Variants in CEP192 observed in about 807,000 individuals in gnomAD.
The protein encoded by CEP192 is centrosomal protein of 192 kDa.
In CEP192, 151 loss-of-function variants were observed where a neutral mutation model predicts 271.8. The observed-to-expected ratio is 0.56, with a 90% CI of 0.49 to 0.64. CEP192 has a LOEUF of 0.64. CEP192 is among the 30% of genes least tolerant of loss of function. CEP192 has a pLI of 0.00. For missense variants in CEP192, 2,910 were observed against 3,020.5 expected (o/e 0.96, Z 0.86); for synonymous variants, 995 against 1,076.5 (o/e 0.92, Z 1.48).
chr18:13,018,556 C>A lies in CEP192; in HGVS notation c.866C>A (p.Ser289Tyr). Reference protein sequence around the residue: ...NSSLISLDSHSSETTHKESEE... With the variant: ...NSSLISLDSHYSETTHKESEE... ...TCTCTGATTTCCCTCGACTCACACT[C>A]TTCTGAAACAACTCACAAAGAGTCT... is the stretch of plus-strand genomic sequence containing the variant. Residue 289 changes from serine (S) to tyrosine (Y), a missense_variant, in exon 8 of 45, where the codon TCT (serine) becomes TAT (tyrosine). Coordinates refer to ENST00000506447, the MANE Select transcript of CEP192 (RefSeq NM_032142.4). 1 of 1,542,206 alleles carries A rather than the reference C, an allele frequency of 6.5e-7. No homozygotes were observed. The highest frequency in any genetic ancestry group is 8.8e-7 in the Non-Finnish European group (1 of 1,140,294).
rs150380590 is a variant in CEP192, at chr18:13,022,593, C to T, written c.1050+3387C>T. On this transcript the variant is annotated intron_variant, in intron 9 of 44. Coordinates refer to ENST00000506447, the MANE Select transcript of CEP192 (RefSeq NM_032142.4). ...ATGAGGTTTCACCATGTTGGCCAGACTGGTCTCAAACTTCTGATTTCAAAC... is the reference window on the plus strand; with the variant it reads ...ATGAGGTTTCACCATGTTGGCCAGATTGGTCTCAAACTTCTGATTTCAAAC... Among the ~76,000 whole-genome samples the T allele has an allele frequency of 3.2e-3, 494 of 152,086 alleles. 3 individuals are homozygous for T. The highest frequency in any genetic ancestry group is 0.011 in the African/African-American group (463 of 41,514).
chr18:13,067,299 T>G (rs1204875113), intron 21 of CEP192, among the ~76,000 whole-genome samples: 1 of 152,090 alleles, frequency 6.6e-6, no homozygotes, highest in African/African-American at 2.4e-5. Flanking sequence ...TGATATCCGG[T>G]GGGGGTTCCT....
intron 30 of CEP192, among the ~76,000 whole-genome samples, chr18:13,079,151 C>T (rs908902737): frequency 6.6e-6 from 1 of 152,128 alleles, no homozygotes; most frequent in Non-Finnish European, 1.5e-5. Flanking sequence ...GGTATATACC[C>T]AGTAATGGGA....
At chr18:13,022,425 G>A (rs759495132) in intron 9 of CEP192, among the ~76,000 whole-genome samples, 9 of 151,826 alleles carry the variant, frequency 5.9e-5, no homozygotes, top group Non-Finnish European at 1.0e-4. Context: ...CTGTCACCCA[G>A]GCTGGAGTGC....
intron 40 of CEP192, among the ~76,000 whole-genome samples, chr18:13,106,480 CACT>C (rs2039954454): frequency 8.0e-6 from 1 of 124,386 alleles, no homozygotes. Flanking sequence ...CCACCACTAC[CACT>C]ACTCACCACT....
intron 36 of CEP192, among the ~76,000 whole-genome samples, chr18:13,098,004 C>A (rs1343362389): frequency 6.6e-6 from 1 of 152,156 alleles, no homozygotes; most frequent in Non-Finnish European, 1.5e-5. Flanking sequence ...AAGAATTTTT[C>A]TTAGTACAGA....
intron 26 of CEP192, 45 bp downstream of exon 26, chr18:13,069,226 C>T (rs773131963): frequency 7.4e-6 from 11 of 1,484,798 alleles, no homozygotes; most frequent in Non-Finnish European, 1.0e-5. Flanking sequence ...TTTCCTCAGA[C>T]TGTGAGAGCT....
At chr18:13,002,414 G>GT in intron 3 of CEP192, among the ~76,000 whole-genome samples, 1 of 152,172 alleles carries the variant, frequency 6.6e-6, no homozygotes, top group East Asian at 1.9e-4. Flanking sequence ...ACTCAGGTCT[G>GT]TGTTGGTCAT....
intron 21 of CEP192, among the ~76,000 whole-genome samples, chr18:13,061,511 T>C (rs997971980): frequency 2.0e-5 from 3 of 152,256 alleles, no homozygotes; most frequent in Non-Finnish European, 4.4e-5. Context: ...GACTTTATTT[T>C]CTAGGGCATG....
intron 1 of CEP192, among the ~76,000 whole-genome samples, chr18:12,998,435 C>T (rs2145772111): frequency 6.6e-6 from 1 of 152,312 alleles, no homozygotes; most frequent in Admixed American, 6.5e-5. Flanking sequence ...TTACTAATTG[C>T]AACCTTGGGA....
chr18:13,031,243 GTTTTTTTTTT>G (rs60557979), intron 11 of CEP192, among the ~76,000 whole-genome samples: 2 of 101,654 alleles, frequency 2.0e-5, no homozygotes, highest in Admixed American at 1.1e-4. Context: ...CCTTATTGTT[GTTTTTTTTTT>G]TTTTTTTTTT....
At chr18:13,055,751 T>C in intron 18 of CEP192, 29 bp from the exon 19 acceptor site, 1 of 1,437,476 alleles carries the variant, frequency 7.0e-7, no homozygotes, top group African/African-American at 1.4e-5. Flanking sequence ...TATCTGTGGA[T>C]TATTAAAAAC....
At position 13,027,223 on chromosome 18, in the gene CEP192, T is replaced by C. The variant is rs146008109; in HGVS notation, c.1051-2440T>C. The stretch of plus-strand genomic sequence containing the variant: ...AGGCTCAGATAAAACCCCAGCAGGT[T>C]AGGTTTTCTTGAGGTTTGTTCTTGT... On this transcript the variant is annotated intron_variant, in intron 9 of 44. Coordinates refer to ENST00000506447, the MANE Select transcript of CEP192 (RefSeq NM_032142.4). 3.3e-3 allele frequency among the ~76,000 whole-genome samples: 495 copies of C among 152,280 alleles called. 3 individuals are homozygous for C. Among genetic ancestry groups the C allele is most frequent in the African/African-American group, 0.011 (464 of 41,554 alleles).
intron 11 of CEP192, 81 bp downstream of exon 11, chr18:13,030,689 C>T: frequency 3.6e-6 from 4 of 1,103,908 alleles, no homozygotes; most frequent in Non-Finnish European, 5.3e-6. Context: ...TGTTGGTCAG[C>T]CACATCAGAT....
intron 18 of CEP192, among the ~76,000 whole-genome samples, chr18:13,054,995 T>C (rs2037005911): frequency 6.6e-6 from 1 of 152,132 alleles, no homozygotes; most frequent in African/African-American, 2.4e-5. Context: ...TTAACATCTT[T>C]GGCCGGGTGT....
chr18:13,091,360 C>T (rs904638408), intron 33 of CEP192, among the ~76,000 whole-genome samples: 11 of 152,132 alleles, frequency 7.2e-5, no homozygotes, highest in South Asian at 2.1e-4. Context: ...TTTGGGACAC[C>T]AGAATTTCAC....
chr18:13,018,449 G>A lies in CEP192; in HGVS notation c.790-31G>A, dbSNP rs1191433590. The A allele has an allele frequency of 3.6e-6, 5 of 1,387,522 alleles. No homozygotes were observed. The South Asian group carries it at 7.3e-5, about 20-fold the overall frequency. 86.0% of individuals were successfully genotyped at this position (1,387,522 alleles called of 1,614,324 possible). A position where few individuals can be genotyped will look rare whatever the true frequency, so the allele number is the denominator to read the frequency against. On this transcript the variant is annotated intron_variant, in intron 7 of 44. Transcript: ENST00000506447. ...CAAAATATTTCATTTTAATTTAAAA[G>A]ATTAATACAGCTAAGATATTCTTTC...
intron 30 of CEP192, among the ~76,000 whole-genome samples, chr18:13,086,377 T>A (rs540973505): frequency 2.6e-5 from 4 of 152,350 alleles, no homozygotes; most frequent in African/African-American, 9.6e-5. Context: ...TTTATTTCTT[T>A]GTCTTGCCTG....
chr18:13,098,078 C>T (rs2039496124), intron 36 of CEP192, among the ~76,000 whole-genome samples: 1 of 152,334 alleles, frequency 6.6e-6, no homozygotes, highest in African/African-American at 2.4e-5. Context: ...TCCGATTTCT[C>T]AATCTTTTCC....
Sources: gnomAD v4.1 joint callset for allele counts (sites outside exome capture counted in the v4.1 genomes callset) on GRCh38, gnomAD v4.1.1 for gene constraint, MANE v1.5 for transcripts, NCBI Gene and HGNC (gene_info 2026-07-23, HGNC 2026-07-21) for gene names.